The following ZNF544 variants were observed in gnomAD, a reference collection of about 807,000 sequenced individuals.
ZNF544 encodes zinc finger protein 544, also known as zinc finger protein AF020591.
In ZNF544, 10 loss-of-function variants were observed where a neutral mutation model predicts 13.5. That is an observed-to-expected ratio of 0.74 (90% CI 0.46 to 1.25). ZNF544 has a LOEUF of 1.25. Among genes scored for constraint, ZNF544 ranks in the 50% most tolerant of loss-of-function variants. The pLI is 0.00. For missense variants in ZNF544, 896 were observed against 845.6 expected (o/e 1.06, Z -0.74); for synonymous variants, 323 against 300.5 (o/e 1.07, Z -0.77).
Position 58,260,903 on chromosome 19 carries a change from T to A in ZNF544, c.297T>A (p.Ala99=), listed in dbSNP as rs756031079. ...ENRLNSEKDR[A]REELSHHVEV... ...GGTTGAATTCTGAAAAAGATCGAGC[T>A]AGGGAAGAACTATCCCACCACGTGG... The change falls in exon 7 of 7, where the codon GCT becomes GCA. Residue 99 remains alanine, a synonymous_variant. Transcript: ENST00000687789. 1 of 1,612,900 alleles carries A rather than the reference T, an allele frequency of 6.2e-7. No homozygotes were observed. Among genetic ancestry groups the A allele is most frequent in the Non-Finnish European group, 8.5e-7 (1 of 1,179,694 alleles).
intron 6 of ZNF544, among the ~76,000 whole-genome samples, chr19:58,256,082 A>G (rs898773228): frequency 2.0e-5 from 3 of 152,226 alleles, no homozygotes; most frequent in South Asian, 2.1e-4. Flanking sequence ...AGTTGCTTGC[A>G]TGCTTATGTG....
intron 5 of ZNF544, among the ~76,000 whole-genome samples, chr19:58,275,783 C>CAAAAA (rs57148438): frequency 0.043 from 2,822 of 66,028 alleles, 130 homozygotes; most frequent in Non-Finnish European, 0.06. Context: ...GACCCTGTCT[C>CAAAAA]AAAAAAAAAA....
At position 58,263,455 on chromosome 19, in the gene ZNF544, C is replaced by G. The variant is rs1319411236; in HGVS notation, c.*701C>G. 1.0e-6 allele frequency: 1 copy of G among 985,094 alleles called. No homozygotes were observed. The highest frequency in any genetic ancestry group is 1.2e-6 in the Non-Finnish European group (1 of 829,930). 61.0% of individuals were successfully genotyped at this position (985,094 alleles called of 1,614,324 possible). Reference sequence around the variant, plus strand: ...CTGCCTTGTGAGAGATTGAGACACTCTAAATAAATAATAACCAAGATGGGA... The same window carrying G: ...CTGCCTTGTGAGAGATTGAGACACTGTAAATAAATAATAACCAAGATGGGA... On this transcript the variant is annotated 3_prime_UTR_variant, in exon 7 of 7. Transcript: ENST00000687789.
At chr19:58,235,555 G>A (rs760510173) in intron 3 of ZNF544, among the ~76,000 whole-genome samples, 3 of 152,126 alleles carry the variant, frequency 2.0e-5, no homozygotes, top group South Asian at 2.1e-4. Flanking sequence ...CATCGTGGTG[G>A]CTATAGTTAA....
At chr19:58,267,463 G>A (rs1225333521), downstream of ZNF544, among the ~76,000 whole-genome samples, 1 of 151,938 alleles carries the variant, frequency 6.6e-6, no homozygotes, top group African/African-American at 2.4e-5. Context: ...TACTTTGGGA[G>A]GCCGAGGCGG....
Position 58,246,691 on chromosome 19 carries a change from C to CT in ZNF544, c.161-15dup. On this transcript the variant is annotated intron_variant, in intron 5 of 6. Coordinates refer to ENST00000687789, the MANE Select transcript of ZNF544 (RefSeq NM_014480.4). ...TGGTGTCCAAGCAGAGGGGCAAGTC[C>CT]TTTTTCCGTCTTTGACCAGGGCTTT... 1 of 1,613,182 alleles carries CT rather than the reference C, an allele frequency of 6.2e-7. No homozygotes were observed. Among genetic ancestry groups the CT allele is most frequent in the Non-Finnish European group, 8.5e-7 (1 of 1,179,580 alleles).
intron 3 of ZNF544, among the ~76,000 whole-genome samples, chr19:58,235,487 T>A (rs1322014405): frequency 6.6e-6 from 1 of 152,246 alleles, no homozygotes; most frequent in Non-Finnish European, 1.5e-5. Flanking sequence ...ATTGTTACTT[T>A]TAGCTATTTA....
In ZNF544 at chr19:58,244,003, C is replaced by G; in HGVS notation, c.-21C>G. The G allele has an allele frequency of 6.2e-7, 1 of 1,605,084 alleles. No individual in the cohort carries two copies. Among genetic ancestry groups the G allele is most frequent in the Non-Finnish European group, 8.5e-7 (1 of 1,175,580 alleles). On this transcript the variant is annotated 5_prime_UTR_variant, in exon 4 of 7. Coordinates refer to ENST00000687789, the MANE Select transcript of ZNF544 (RefSeq NM_014480.4). ...GGACCTCTGCCCTCTACACAGCGGC[C>G]TCTTCAGGTGCAGGGAGGAAATGGA...
At chr19:58,252,249 A>G (rs2046405316) in intron 6 of ZNF544, among the ~76,000 whole-genome samples, 1 of 152,214 alleles carries the variant, frequency 6.6e-6, no homozygotes, top group African/African-American at 2.4e-5. Flanking sequence ...CAAGAAATCC[A>G]TATTCTCATG....
rs144719266 is a variant in ZNF544, at chr19:58,262,698, C to G, written c.2092C>G (p.Arg698Gly). 1 of 1,611,902 alleles carries G rather than the reference C, an allele frequency of 6.2e-7. No homozygotes were observed. Among genetic ancestry groups the G allele is most frequent in the East Asian group, 2.2e-5 (1 of 44,802 alleles). Residue 698 changes from arginine (R) to glycine (G), a missense_variant, in exon 7 of 7, where the codon CGG (arginine) becomes GGG (glycine). Arg to Gly is a moderately radical substitution (Grantham distance 125). Transcript: ENST00000687789. ...ATGTAGTGACTGTGGGAAATCCTTC[C>G]GGCAGCAATCTCAACTTGTAGTGCA... ...YECSDCGKSF[R>G]QQSQLVVHRR...
At chr19:58,268,611 T>C (rs1281232395), downstream of ZNF544, among the ~76,000 whole-genome samples, 2 of 152,268 alleles carry the variant, frequency 1.3e-5, no homozygotes, top group African/African-American at 2.4e-5. Flanking sequence ...CCTGCTACTG[T>C]GTCCTGTCTC....
At chr19:58,253,475 T>C (rs1356479964) in intron 6 of ZNF544, among the ~76,000 whole-genome samples, 3 of 152,180 alleles carry the variant, frequency 2.0e-5, no homozygotes, top group African/African-American at 7.2e-5. Context: ...GCCTTGCTCT[T>C]TTGCCCAGGC....
At chr19:58,272,912 G>T (rs756706852) in intron 5 of ZNF544, among the ~76,000 whole-genome samples, 1 of 151,580 alleles carries the variant, frequency 6.6e-6, no homozygotes, top group African/African-American at 2.4e-5. Flanking sequence ...GGCCGGGCGC[G>T]GTGGCTCATG....
downstream of ZNF544, among the ~76,000 whole-genome samples, chr19:58,265,452 C>T (rs1362906392): frequency 1.3e-5 from 2 of 151,986 alleles, no homozygotes; most frequent in East Asian, 1.9e-4. Flanking sequence ...CCCGTCACCA[C>T]GTCTGTCTAA....
At chr19:58,244,810 CAA>C (rs906322730) in intron 4 of ZNF544, among the ~76,000 whole-genome samples, 7 of 152,150 alleles carry the variant, frequency 4.6e-5, no homozygotes, top group African/African-American at 1.7e-4. Flanking sequence ...CTCCTGGACT[CAA>C]GAGATGCTTC....
rs749162344 is a variant in ZNF544, at chr19:58,261,986, A to C, written c.1380A>C (p.Gly460=). 1 of 1,613,874 alleles carries C rather than the reference A, an allele frequency of 6.2e-7. No individual in the cohort carries two copies. The highest frequency in any genetic ancestry group is 1.1e-5 in the South Asian group (1 of 91,072). ...TTGTACATCAGAGAATTCATACTGG[A>C]GAGAAACCGTATGAGTGCACTCACT... ...NLIVHQRIHT[G]EKPYECTHCG... is the part of the protein sequence containing the mutation. Residue 460 remains glycine (G), a synonymous_variant, in exon 7 of 7, where the codon GGA becomes GGC. Coordinates refer to ENST00000687789, the MANE Select transcript of ZNF544 (RefSeq NM_014480.4).
intron 3 of ZNF544, 77 bp from the exon 4 acceptor site, chr19:58,243,888 C>A: frequency 3.3e-6 from 4 of 1,230,538 alleles, no homozygotes; most frequent in Non-Finnish European, 3.3e-6. Context: ...GCCGGCCCCG[C>A]GTTCTCTAGG....
chr19:58,245,390 CTCCAGGT>C (rs2044928619), intron 4 of ZNF544, among the ~76,000 whole-genome samples: 1 of 151,932 alleles, frequency 6.6e-6, no homozygotes, highest in Non-Finnish European at 1.5e-5. Context: ...CAACCTCTGC[CTCCAGGT>C]TCAAGCGATT....
At chr19:58,241,025 G>A (rs8112286) in intron 3 of ZNF544, among the ~76,000 whole-genome samples, 10,610 of 148,070 alleles carry the variant, frequency 0.072, 803 homozygotes, top group African/African-American at 0.18. Flanking sequence ...AGGCTGGAGT[G>A]TGGTGGCACG....
Sources: allele counts gnomAD v4.1 joint callset (sites outside exome capture counted in the v4.1 genomes callset), GRCh38; gene constraint gnomAD v4.1.1; transcripts MANE v1.5; gene names NCBI Gene and HGNC (gene_info 2026-07-23, HGNC 2026-07-21).